PSD: variants seen among roughly 807,000 people sequenced by gnomAD.
PSD encodes the protein PH and SEC7 domain-containing protein 1.
A neutral mutation model predicts 91.6 loss-of-function variants in PSD; 32 were observed. The ratio of observed to expected loss-of-function variants is 0.35; its 90% CI spans 0.26 to 0.47. PSD has a LOEUF of 0.47. Ranked by LOEUF, PSD falls within the 20% of genes least tolerant of loss-of-function variation. The pLI is 1.00. For missense variants in PSD, 1,099 were observed against 1,373.9 expected (o/e 0.80, Z 3.16); for synonymous variants, 532 against 569.3 (o/e 0.93, Z 0.93).
chr10:102,413,738 T>C, intron 5 of PSD, 31 bp downstream of exon 5: 3 of 1,577,632 alleles, frequency 1.9e-6, no homozygotes, highest in Admixed American at 3.6e-5. Flanking sequence ...CCTGGGGGCC[T>C]CAAGTCTGAG....
At position 102,405,551 on chromosome 10, in the gene PSD, A is replaced by T. The variant is rs1309964083; in HGVS notation, c.2136-15T>A. The T allele has an allele frequency of 6.3e-7, 1 of 1,592,414 alleles. No homozygotes were observed. Among genetic ancestry groups the T allele is most frequent in the East Asian group, 2.3e-5 (1 of 44,340 alleles). Reference sequence around the variant, plus strand: ...CCTCCTCGTCTCTGCAGGTGTGATCACCTCAGAGGGGGCTGGCCATGGAGC... The same window carrying T: ...CCTCCTCGTCTCTGCAGGTGTGATCTCCTCAGAGGGGGCTGGCCATGGAGC... On this transcript the variant is annotated splice_polypyrimidine_tract_variant and intron_variant, in intron 11 of 16. Transcript: ENST00000020673. This position sits in a 1 kb window ranked among gnomAD's most constrained non-coding sequence, Gnocchi z 5.4.
intron 8 of PSD, 118 bp downstream of exon 8, chr10:102,411,589 C>G (rs560737068): frequency 1.4e-5 from 11 of 762,474 alleles, no homozygotes; most frequent in Non-Finnish European, 2.5e-5. Flanking sequence ...CATGCCTACA[C>G]GCATGTACAT....
Position 102,410,806 on chromosome 10 carries a change from T to A in PSD, c.2091+52A>T. The A allele has an allele frequency of 3.2e-6, 4 of 1,235,420 alleles. No individual in the cohort carries two copies. The highest frequency in any genetic ancestry group is 3.5e-6 in the Non-Finnish European group (3 of 848,856). 76.5% of individuals were successfully genotyped at this position (1,235,420 alleles called of 1,614,324 possible). A position where few individuals can be genotyped will look rare whatever the true frequency, so the allele number is the denominator to read the frequency against. On this transcript the variant is annotated intron_variant, in intron 10 of 16. Coordinates refer to ENST00000020673, the MANE Select transcript of PSD (RefSeq NM_002779.5). This position sits in a 1 kb window ranked among gnomAD's most constrained non-coding sequence, Gnocchi z 6.0. Reference sequence around the variant, plus strand: ...TCCGACTCTGGACTCCGTCGCCGACTGGGTCCTCCATCCTTCCCCTCCAGC... The same window carrying A: ...TCCGACTCTGGACTCCGTCGCCGACAGGGTCCTCCATCCTTCCCCTCCAGC...
Position 102,411,694 on chromosome 10 carries a change from C to T in PSD, c.1942+13G>A, listed in dbSNP as rs747938238. On this transcript the variant is annotated intron_variant, in intron 8 of 16. Coordinates refer to ENST00000020673, the MANE Select transcript of PSD (RefSeq NM_002779.5). ...GGCCAGCTAAGGACACCCCTGCTCT[C>T]GGAACTCCTCACCCTCTGAGGACAG... The T allele has an allele frequency of 1.4e-5, 23 of 1,605,712 alleles. No individual in the cohort carries two copies. The South Asian group carries it at 2.2e-4, about 16-fold the overall frequency.
chr10:102,408,665 G>T (rs1449887038), intron 10 of PSD, among the ~76,000 whole-genome samples: 1 of 152,220 alleles, frequency 6.6e-6, no homozygotes, highest in Admixed American at 6.5e-5. Context: ...CCCCATCGGT[G>T]GGCCGCAAGT....
rs1000477318 is a variant in PSD at position 102,409,480 on chromosome 10, G to C, written c.2091+1378C>G. Among the ~76,000 whole-genome samples, 1 of 152,298 alleles carries C rather than the reference G, an allele frequency of 6.6e-6. No individual in the cohort carries two copies. The highest frequency in any genetic ancestry group is 6.5e-5 in the Admixed American group (1 of 15,310). Reference sequence around the variant, plus strand: ...TAGGCCTGGGGCTGTGACGCTGGGCGGACCCGGCAGGGTCTGGAACTCCCT... The same window carrying C: ...TAGGCCTGGGGCTGTGACGCTGGGCCGACCCGGCAGGGTCTGGAACTCCCT... On this transcript the variant is annotated intron_variant, in intron 10 of 16. Transcript: ENST00000020673. The surrounding 1 kb of genome is among the most constrained non-coding windows in gnomAD (Gnocchi z 5.7).
chr10:102,415,180 T>C lies in PSD; in HGVS notation c.807A>G (p.Ser269=), dbSNP rs2061464385. The change falls in exon 4 of 17, where the codon TCA becomes TCG. Residue 269 remains serine (S), a synonymous_variant. Coordinates refer to ENST00000020673, the MANE Select transcript of PSD (RefSeq NM_002779.5). The part of the protein sequence containing the change: ...QAPPSPPGVG[S]RQGSGVAVGR... The stretch of plus-strand genomic sequence containing the variant: ...CCACAGCCACCCCAGAGCCCTGCCT[T>C]GAGCCCACCCCAGGTGGAGATGGGG... The C allele has an allele frequency of 1.2e-6, 2 of 1,612,820 alleles. No homozygotes were observed. Among genetic ancestry groups the C allele is most frequent in the Non-Finnish European group, 1.7e-6 (2 of 1,179,780 alleles).
At chr10:102,415,721 C>T (rs1375973528) in intron 3 of PSD, among the ~76,000 whole-genome samples, 1 of 152,212 alleles carries the variant, frequency 6.6e-6, no homozygotes, top group East Asian at 1.9e-4. Flanking sequence ...CTTGGCCTCC[C>T]AAAATACTGG....
In PSD at chr10:102,414,448, C is replaced by T. The variant is rs1462189586; in HGVS notation, c.1125-251G>A. Among the ~76,000 whole-genome samples the T allele has an allele frequency of 5.3e-5, 8 of 152,296 alleles. No homozygotes were observed. Among genetic ancestry groups the T allele is most frequent in the Non-Finnish European group, 8.8e-5 (6 of 68,014 alleles). On this transcript the variant is annotated intron_variant, in intron 4 of 16. Transcript: ENST00000020673. This position sits in a 1 kb window ranked among gnomAD's most constrained non-coding sequence, Gnocchi z 5.6. ...CTAATCTCCCTTTCTCCTCCTTTTCCGTGATCCGCTTCCCTTCTGCCATCC... is the reference window on the plus strand; with the variant it reads ...CTAATCTCCCTTTCTCCTCCTTTTCTGTGATCCGCTTCCCTTCTGCCATCC...
At position 102,416,087 on chromosome 10, in the gene PSD, G is replaced by A. The variant is rs1257988043; in HGVS notation, c.687C>T (p.Ser229=). 1.2e-6 allele frequency: 2 copies of A among 1,613,966 alleles called. No individual in the cohort carries two copies. Among genetic ancestry groups the A allele is most frequent in the Non-Finnish European group, 8.5e-7 (1 of 1,179,930 alleles). ...GDTWSSPREV[S]SHAQRIARAK... is the part of the protein sequence containing the mutation. ...CTCTAGCGATTCTCTGGGCATGAGA[G>A]GAGACTTCCCGGGGGGAGGACCAGG... The change falls in exon 3 of 17, where the codon TCC becomes TCT. Residue 229 remains serine, a synonymous_variant. Coordinates refer to ENST00000020673, the MANE Select transcript of PSD (RefSeq NM_002779.5). This position sits in a 1 kb window ranked among gnomAD's most constrained non-coding sequence, Gnocchi z 6.0.
Position 102,404,596 on chromosome 10 carries a change from G to A in PSD, c.2687C>T (p.Thr896Ile), listed in dbSNP as rs1408979595. 1.2e-6 allele frequency: 2 copies of A among 1,611,000 alleles called. No homozygotes were observed. Among genetic ancestry groups the A allele is most frequent in the East Asian group, 2.2e-5 (1 of 44,872 alleles). Reference sequence around the variant, plus strand: ...AGCTTGGGCTACCTGGGAGAGGCGGGTGGCAGCGCTGGGCAGGAGAGGGCG... The same window carrying A: ...AGCTTGGGCTACCTGGGAGAGGCGGATGGCAGCGCTGGGCAGGAGAGGGCG... ...FSRPLLPSAATRLSQEEQVRT... is the reference protein window; with the variant it reads ...FSRPLLPSAAIRLSQEEQVRT... Residue 896 changes from threonine to isoleucine, a missense_variant, in exon 15 of 17, where the codon ACC becomes ATC. Transcript: ENST00000020673. This position sits in a 1 kb window ranked among gnomAD's most constrained non-coding sequence, Gnocchi z 5.7.
chr10:102,407,952 T>G (rs1371645508), intron 10 of PSD, among the ~76,000 whole-genome samples: 1 of 152,208 alleles, frequency 6.6e-6, no homozygotes, highest in Non-Finnish European at 1.5e-5. Context: ...AATCCCTGCA[T>G]AGCCCAAACT....
chr10:102,416,817 G>C lies in PSD; in HGVS notation c.222C>G (p.Pro74=), dbSNP rs745420621. The C allele has an allele frequency of 1.3e-6, 2 of 1,595,740 alleles. No homozygotes were observed. The highest frequency in any genetic ancestry group is 1.7e-6 in the Non-Finnish European group (2 of 1,170,420). The change falls in exon 2 of 17, where the codon CCC becomes CCG. Residue 74 remains proline (P), a synonymous_variant. Transcript: ENST00000020673. The surrounding 1 kb of genome is among the most constrained non-coding windows in gnomAD (Gnocchi z 6.0). ...AGGGTGAGGGAGCAACACGGGGTGA[G>C]GGGGGGCCACGCAGAGGTGTACAGG... ...TAPCTPLRGP[P]SPRVAPSPWA...
rs1481122279 is a variant in PSD, at chr10:102,414,326, C to A, written c.1125-129G>T. The A allele has an allele frequency of 1.1e-6, 1 of 945,928 alleles. No individual in the cohort carries two copies. Among genetic ancestry groups the A allele is most frequent in the Non-Finnish European group, 1.6e-6 (1 of 642,696 alleles). 58.6% of individuals were successfully genotyped at this position (945,928 alleles called of 1,614,324 possible). On this transcript the variant is annotated intron_variant, in intron 4 of 16. Transcript: ENST00000020673. This position sits in a 1 kb window ranked among gnomAD's most constrained non-coding sequence, Gnocchi z 5.6. ...CTTTTCACTGGCTCCAGCCCACTAA[C>A]AAAAAAGAGCCTCTAGGGTAGGGCG...
At chr10:102,412,946 G>C (rs553006349) in intron 5 of PSD, among the ~76,000 whole-genome samples, 1 of 152,296 alleles carries the variant, frequency 6.6e-6, no homozygotes, top group African/African-American at 2.4e-5. Flanking sequence ...GGAATAGATG[G>C]GCTACCACGG....
chr10:102,407,279 G>T lies in PSD; in HGVS notation c.2092-13C>A, dbSNP rs529821660. 4.5e-6 allele frequency: 7 copies of T among 1,567,694 alleles called. No homozygotes were observed. The East Asian group carries it at 1.2e-4, about 27-fold the overall frequency. On this transcript the variant is annotated splice_polypyrimidine_tract_variant and intron_variant, in intron 10 of 16. Coordinates refer to ENST00000020673, the MANE Select transcript of PSD (RefSeq NM_002779.5). ...AGCTGTACAAGGCCTGGGGGGTGGG[G>T]GGAACAAATTAGGGGGTTGTGGGTC...
Position 102,412,628 on chromosome 10 carries a change from C to T in PSD, c.1554-53G>A, listed in dbSNP as rs887872194. On this transcript the variant is annotated intron_variant, in intron 5 of 16. Coordinates refer to ENST00000020673, the MANE Select transcript of PSD (RefSeq NM_002779.5). The stretch of plus-strand genomic sequence containing the variant: ...TGGGGCAGGGTCCTTAGGAGCCATC[C>T]AGACCCTCCTTCTGCCTCCAGGCCC... 4 of 1,500,766 alleles carry T rather than the reference C, an allele frequency of 2.7e-6. No homozygotes were observed. The Admixed American group carries it at 8.0e-5, about 30-fold the overall frequency. 93.0% of individuals were successfully genotyped at this position (1,500,766 alleles called of 1,614,324 possible).
At chr10:102,413,296 G>A (rs2061442437) in intron 5 of PSD, among the ~76,000 whole-genome samples, 1 of 152,158 alleles carries the variant, frequency 6.6e-6, no homozygotes, top group African/African-American at 2.4e-5. Flanking sequence ...AGAGGGGAGA[G>A]CAGAAAGGTT....
Position 102,409,439 on chromosome 10 carries a change from A to T in PSD, c.2091+1419T>A. 1.4e-6 allele frequency: 1 copy of T among 713,168 alleles called. No homozygotes were observed. Among genetic ancestry groups the T allele is most frequent in the Non-Finnish European group, 1.7e-6 (1 of 581,198 alleles). The allele number at this position is 713,168 out of a possible 1,614,324, so 44.2% of individuals were successfully genotyped here. A position where few individuals can be genotyped will look rare whatever the true frequency, so the allele number is the denominator to read the frequency against. ...GCCAGCGTGGGTGGCAGCTCCAGGG[A>T]GGCTGAGAGCACCGCTAGGCCTGGG... On this transcript the variant is annotated intron_variant, in intron 10 of 16. Transcript: ENST00000020673. This position sits in a 1 kb window ranked among gnomAD's most constrained non-coding sequence, Gnocchi z 5.7.
Sources: gnomAD v4.1 joint callset for allele counts (sites outside exome capture counted in the v4.1 genomes callset) on GRCh38, gnomAD v4.1.1 for gene constraint, Gnocchi (gnomAD v3.1) non-coding constraint, MANE v1.5 for transcripts, NCBI Gene and HGNC (gene_info 2026-07-23, HGNC 2026-07-21) for gene names.